Variants in ZNF423 observed in about 807,000 individuals in gnomAD.
ZNF423 encodes zinc finger protein 423.
A neutral mutation model predicts 95.8 loss-of-function variants in ZNF423; 12 were observed. That is an observed-to-expected ratio of 0.13 (90% CI 0.08 to 0.20). The LOEUF is 0.20. ZNF423 is among the 10% of genes least tolerant of loss of function. ZNF423 has a pLI of 1.00. For synonymous variants in ZNF423, 749 were observed against 711.9 expected (o/e 1.05, Z -0.83); for missense variants, 1,316 against 1,737.1 (o/e 0.76, Z 4.31).
intron 5 of ZNF423, among the ~76,000 whole-genome samples, chr16:49,612,114 G>T (rs1283896538): frequency 6.6e-6 from 1 of 152,000 alleles, no homozygotes; most frequent in Non-Finnish European, 1.5e-5. Flanking sequence ...GAAGAGGAAA[G>T]GGCACTTCCC....
In ZNF423 at chr16:49,635,653, C is replaced by A; in HGVS notation, c.3516+7G>T. On this transcript the variant is annotated splice_region_variant and intron_variant, in intron 4 of 7. Coordinates refer to ENST00000563137, the MANE Select transcript of ZNF423 (RefSeq NM_001379286.1). This position sits in a 1 kb window ranked among gnomAD's most constrained non-coding sequence, Gnocchi z 4.8. The stretch of plus-strand genomic sequence containing the variant: ...GCAGGGAGCAGGATGAGGTGGACTG[C>A]ACTTACCCGGGGCACTGGCGATGTC... 6.4e-7 allele frequency: 1 copy of A among 1,557,788 alleles called. No homozygotes were observed. Among genetic ancestry groups the A allele is most frequent in the Non-Finnish European group, 8.7e-7 (1 of 1,154,568 alleles).
intron 7 of ZNF423, among the ~76,000 whole-genome samples, chr16:49,512,752 A>T (rs1296220317): frequency 6.6e-6 from 1 of 152,198 alleles, no homozygotes; most frequent in African/African-American, 2.4e-5. Flanking sequence ...GTCTTACCCC[A>T]TTTAACAGAT....
intron 5 of ZNF423, among the ~76,000 whole-genome samples, chr16:49,532,548 C>T (rs1390373023): frequency 6.6e-6 from 1 of 152,204 alleles, no homozygotes; most frequent in Non-Finnish European, 1.5e-5. Flanking sequence ...GAACCGGGCC[C>T]CACGGGGGAC....
At chr16:49,745,636 C>G (rs984751788) in intron 2 of ZNF423, among the ~76,000 whole-genome samples, 2 of 152,164 alleles carry the variant, frequency 1.3e-5, no homozygotes, top group African/African-American at 4.8e-5. Flanking sequence ...CCGTTCGCAG[C>G]GTGGTGCAAT....
intron 5 of ZNF423, among the ~76,000 whole-genome samples, chr16:49,600,112 G>C (rs745898586): frequency 3.3e-5 from 5 of 152,148 alleles, no homozygotes; most frequent in Non-Finnish European, 5.9e-5. Context: ...AGGAGTTTGA[G>C]ACCAGCCTGG....
chr16:49,714,987 G>A (rs954423568), intron 3 of ZNF423, among the ~76,000 whole-genome samples: 1 of 152,088 alleles, frequency 6.6e-6, no homozygotes, highest in East Asian at 1.9e-4. Context: ...AGACGGCCCA[G>A]CTGCAAGCCC....
At position 49,601,269 on chromosome 16, in the gene ZNF423, G is replaced by A. The variant is rs1420258745; in HGVS notation, c.3601+24901C>T. ...GGTTCCCATCCTGGCTCTGACATCC[G>A]CTGGCTGTGTCACCTTGGGCAGGTC... On this transcript the variant is annotated intron_variant, in intron 5 of 7. Transcript: ENST00000563137. 3.3e-5 allele frequency among the ~76,000 whole-genome samples: 5 copies of A among 152,284 alleles called. No homozygotes were observed. The East Asian group carries it at 5.8e-4, about 18-fold the overall frequency.
At chr16:49,592,661 C>G (rs1223253068) in intron 5 of ZNF423, among the ~76,000 whole-genome samples, 1 of 152,234 alleles carries the variant, frequency 6.6e-6, no homozygotes, top group Non-Finnish European at 1.5e-5. Context: ...CCACACCAGC[C>G]GGGAGTCAGC....
chr16:49,819,182 G>A (rs571464106), intron 1 of ZNF423, among the ~76,000 whole-genome samples: 6 of 148,378 alleles, frequency 4.0e-5, no homozygotes, highest in South Asian at 2.2e-4. Flanking sequence ...CCCGGGAGGC[G>A]GAGCTTGCAG....
chr16:49,663,234 C>T (rs1288334916), intron 3 of ZNF423, among the ~76,000 whole-genome samples: 2 of 152,164 alleles, frequency 1.3e-5, no homozygotes, highest in African/African-American at 4.8e-5. Flanking sequence ...ACACGTTATC[C>T]TATCAATTTG....
upstream of ZNF423, among the ~76,000 whole-genome samples, chr16:49,858,560 A>G (rs1263039555): frequency 6.6e-6 from 1 of 152,104 alleles, no homozygotes; most frequent in Non-Finnish European, 1.5e-5. The surrounding 1 kb of genome is among the most constrained non-coding windows in gnomAD (Gnocchi z 4.3). Flanking sequence ...GAGGCTCCCC[A>G]GAGGGGCGGA....
intron 2 of ZNF423, among the ~76,000 whole-genome samples, chr16:49,742,365 G>C (rs1315896747): frequency 2.0e-5 from 3 of 152,048 alleles, no homozygotes; most frequent in African/African-American, 7.2e-5. Context: ...AAGCAGGGGG[G>C]AGAAAAATAA....
At chr16:49,634,092 G>A (rs1210313077) in intron 4 of ZNF423, among the ~76,000 whole-genome samples, 2 of 151,768 alleles carry the variant, frequency 1.3e-5, no homozygotes, top group African/African-American at 4.8e-5. Context: ...ATTTTTAGTA[G>A]AGACGGGGTT....
chr16:49,821,811 C>G (rs955280552), intron 1 of ZNF423, among the ~76,000 whole-genome samples: 6 of 152,126 alleles, frequency 3.9e-5, no homozygotes, highest in African/African-American at 1.4e-4. Context: ...ACACGGGGCT[C>G]CCCAGGCCTC....
At chr16:49,576,757 T>G (rs1166763455) in intron 5 of ZNF423, among the ~76,000 whole-genome samples, 1 of 152,212 alleles carries the variant, frequency 6.6e-6, no homozygotes, top group African/African-American at 2.4e-5. Flanking sequence ...CTGAGCTGAA[T>G]TTTTTCCATT....
At chr16:49,845,127 T>C (rs551384902) in intron 1 of ZNF423, among the ~76,000 whole-genome samples, 1 of 151,842 alleles carries the variant, frequency 6.6e-6, no homozygotes, top group South Asian at 2.1e-4. Flanking sequence ...TTTGTGTTTT[T>C]TGGGGTTTTT....
chr16:49,815,086 G>A (rs997155964), intron 1 of ZNF423, among the ~76,000 whole-genome samples: 4 of 152,112 alleles, frequency 2.6e-5, no homozygotes, highest in African/African-American at 9.7e-5. Flanking sequence ...AGCGGGGCTC[G>A]GCCGCTCATC....
In ZNF423 at chr16:49,854,582, C is replaced by A. The variant is rs566561824; in HGVS notation, c.40+1153G>T. 168 of 985,452 alleles carry A rather than the reference C, an allele frequency of 1.7e-4. 1 individual carries two copies. The East Asian group carries it at 0.016, about 95-fold the overall frequency. The allele number at this position is 985,452 out of a possible 1,614,324, so 61.0% of individuals were successfully genotyped here. ...TTGGCTCCGTAGACTTAGCCGCTCT[C>A]ATCGTTCCCCCCTTCCTCGATCATC... is the stretch of plus-strand genomic sequence containing the variant. On this transcript the variant is annotated intron_variant, in intron 1 of 7. Coordinates refer to ENST00000563137, the MANE Select transcript of ZNF423 (RefSeq NM_001379286.1).
intron 5 of ZNF423, among the ~76,000 whole-genome samples, chr16:49,572,971 G>A (rs1201159083): frequency 6.6e-6 from 1 of 152,218 alleles, no homozygotes; most frequent in Non-Finnish European, 1.5e-5. Context: ...CATAGTACAT[G>A]TAGGCTCTCC....
Sources: allele counts gnomAD v4.1 joint callset (sites outside exome capture counted in the v4.1 genomes callset), GRCh38; gene constraint gnomAD v4.1.1; non-coding constraint Gnocchi (gnomAD v3.1); transcripts MANE v1.5; gene names NCBI Gene and HGNC (gene_info 2026-07-23, HGNC 2026-07-21).